Variants in CADPS observed in about 807,000 individuals in gnomAD.
CADPS encodes calcium dependent secretion activator.
CADPS carries 57 observed loss-of-function variants against 167.3 expected under a neutral mutation model. The observed-to-expected ratio is 0.34, with a 90% CI of 0.28 to 0.42. The LOEUF is 0.42. Ranked by LOEUF, CADPS falls within the 20% of genes least tolerant of loss-of-function variation. The pLI is 1.00. For synonymous variants in CADPS, 676 were observed against 635.3 expected, an observed-to-expected ratio of 1.06 and a Z score of -0.96; for missense variants, 1,414 against 1,738.1, an observed-to-expected ratio of 0.81 and a Z score of 3.32.
At position 62,740,865 on chromosome 3, in the gene CADPS, T is replaced by C. The variant is rs75114253; in HGVS notation, c.888+12576A>G. On this transcript the variant is annotated intron_variant, in intron 3 of 29. Coordinates refer to ENST00000383710, the MANE Select transcript of CADPS (RefSeq NM_003716.4). ...ATTAACTTGCTAAAGGTTACATCGA[T>C]AATAAATAGCTAAGCCTGGATTCAC... Among the ~76,000 whole-genome samples, 525 of 152,384 alleles carry C rather than the reference T, an allele frequency of 3.4e-3. 1 individual carries two copies. Among genetic ancestry groups the C allele is most frequent in the African/African-American group, 0.012 (487 of 41,596 alleles).
intron 3 of CADPS, among the ~76,000 whole-genome samples, chr3:62,696,349 C>T (rs548979024): frequency 1.2e-4 from 19 of 152,244 alleles, no homozygotes; most frequent in African/African-American, 4.6e-4. Flanking sequence ...GCCACAGTGC[C>T]TTCCCCAGCA....
At chr3:62,810,707 C>A (rs1285180527) in intron 1 of CADPS, among the ~76,000 whole-genome samples, 7 of 152,160 alleles carry the variant, frequency 4.6e-5, no homozygotes, top group African/African-American at 1.7e-4. Flanking sequence ...ATCCTAAAAC[C>A]ATAGCTTCAC....
intron 3 of CADPS, among the ~76,000 whole-genome samples, chr3:62,668,776 C>T (rs973495223): frequency 1.6e-4 from 24 of 152,090 alleles, no homozygotes; most frequent in Non-Finnish European, 2.5e-4. Context: ...TACATTACAG[C>T]GGCAAATACA....
intron 6 of CADPS, chr3:62,626,340 G>T: frequency 2.2e-6 from 1 of 462,826 alleles, no homozygotes. Flanking sequence ...AGCTGGCACG[G>T]ATTTACTAAA....
chr3:62,701,083 C>A (rs1200057201), intron 3 of CADPS, among the ~76,000 whole-genome samples: 1 of 152,062 alleles, frequency 6.6e-6, no homozygotes, highest in Non-Finnish European at 1.5e-5. Flanking sequence ...TTCTTATGAC[C>A]TAATTATCTC....
At chr3:62,589,681 G>C (rs768500042) in intron 7 of CADPS, among the ~76,000 whole-genome samples, 58 of 152,354 alleles carry the variant, frequency 3.8e-4, no homozygotes, top group Middle Eastern at 3.4e-3. Flanking sequence ...CTTTGGGACA[G>C]TGGCCTGGCC....
intron 1 of CADPS, among the ~76,000 whole-genome samples, chr3:62,848,240 T>C (rs1265848937): frequency 7.5e-6 from 1 of 133,972 alleles, no homozygotes; most frequent in Non-Finnish European, 1.6e-5. Context: ...GCCTGTTCAC[T>C]CTGATGGTAG....
At chr3:62,728,268 C>T (rs1163654531) in intron 3 of CADPS, among the ~76,000 whole-genome samples, 1 of 151,822 alleles carries the variant, frequency 6.6e-6, no homozygotes, top group Admixed American at 6.6e-5. Flanking sequence ...TTTCTACCAT[C>T]TGGGCTGTTT....
At chr3:62,667,654 C>A (rs2074717851) in intron 3 of CADPS, among the ~76,000 whole-genome samples, 1 of 152,038 alleles carries the variant, frequency 6.6e-6, no homozygotes, top group Admixed American at 6.6e-5. Context: ...AGCAAGAAAT[C>A]CTACACCAAG....
At chr3:62,631,829 C>A (rs1399218541) in intron 6 of CADPS, among the ~76,000 whole-genome samples, 5 of 152,122 alleles carry the variant, frequency 3.3e-5, no homozygotes. Flanking sequence ...AGAGAGACAG[C>A]TTCCTAATGG....
rs150379102 is a variant in CADPS at position 62,807,150 on chromosome 3, T to C, written c.442-41166A>G. 3.0e-3 allele frequency among the ~76,000 whole-genome samples: 457 copies of C among 152,342 alleles called. 4 individuals are homozygous for C. The highest frequency in any genetic ancestry group is 0.011 in the African/African-American group (442 of 41,574). On this transcript the variant is annotated intron_variant, in intron 1 of 29. Transcript: ENST00000383710. ...CATTTCAATGCCACAAATGTCTAAATGTCTTGATTACAAACATTAATCAGA... is the reference window on the plus strand; with the variant it reads ...CATTTCAATGCCACAAATGTCTAAACGTCTTGATTACAAACATTAATCAGA...
chr3:62,729,456 A>G (rs2077343513), intron 3 of CADPS, among the ~76,000 whole-genome samples: 1 of 151,860 alleles, frequency 6.6e-6, no homozygotes, highest in South Asian at 2.1e-4. Flanking sequence ...GGTGGTTTGC[A>G]CACCAGCCAA....
intron 1 of CADPS, among the ~76,000 whole-genome samples, chr3:62,794,360 C>T (rs1419002253): frequency 6.6e-6 from 1 of 152,260 alleles, no homozygotes; most frequent in East Asian, 1.9e-4. Context: ...TTTGTATATT[C>T]CCTAGTTACT....
chr3:62,534,847 C>A (rs1577349465), intron 12 of CADPS, among the ~76,000 whole-genome samples: 1 of 152,020 alleles, frequency 6.6e-6, no homozygotes, highest in South Asian at 2.1e-4. Flanking sequence ...GGGAAGGAAG[C>A]TATTTTATGC....
chr3:62,584,881 G>A (rs2084238422), intron 8 of CADPS, among the ~76,000 whole-genome samples: 1 of 152,120 alleles, frequency 6.6e-6, no homozygotes, highest in African/African-American at 2.4e-5. Flanking sequence ...CAAGGTACGC[G>A]GAGCCTGTAA....
At chr3:62,620,202 GC>G (rs996902815) in intron 6 of CADPS, among the ~76,000 whole-genome samples, 8 of 152,080 alleles carry the variant, frequency 5.3e-5, no homozygotes, top group Non-Finnish European at 1.0e-4. Context: ...GGGATGGCAG[GC>G]AGGGCTGAGA....
chr3:62,819,608 T>C (rs760551387), intron 1 of CADPS, among the ~76,000 whole-genome samples: 4 of 152,144 alleles, frequency 2.6e-5, no homozygotes, highest in Non-Finnish European at 5.9e-5. Context: ...CATTGGGCCA[T>C]GGCAGATGGT....
At chr3:62,868,389 C>A (rs1237906732) in intron 1 of CADPS, among the ~76,000 whole-genome samples, 1 of 152,036 alleles carries the variant, frequency 6.6e-6, no homozygotes, top group Non-Finnish European at 1.5e-5. Flanking sequence ...AAGTGATTAA[C>A]ATTCTATTAT....
At chr3:62,781,868 A>G (rs1053667302) in intron 1 of CADPS, among the ~76,000 whole-genome samples, 2 of 152,218 alleles carry the variant, frequency 1.3e-5, no homozygotes, top group African/African-American at 4.8e-5. Flanking sequence ...AAAGGACCAC[A>G]GCAGGCCTTA....
Sources: allele counts gnomAD v4.1 joint callset (sites outside exome capture counted in the v4.1 genomes callset), GRCh38; gene constraint gnomAD v4.1.1; transcripts MANE v1.5; gene names NCBI Gene and HGNC (gene_info 2026-07-23, HGNC 2026-07-21).